Variants in ORC5 observed in about 807,000 individuals in gnomAD.
The protein encoded by ORC5 is origin recognition complex subunit 5.
Under a neutral mutation model 58.8 loss-of-function variants are expected in ORC5, and 39 were observed. That is an observed-to-expected ratio of 0.66 (90% CI 0.51 to 0.87). ORC5 has a LOEUF of 0.87. Among genes scored for constraint, ORC5 ranks in the 40% least tolerant of loss-of-function variants. ORC5 has a pLI of 0.00. For synonymous variants in ORC5, 218 were observed against 177.6 expected, an observed-to-expected ratio of 1.23 and a Z score of -1.81; for missense variants, 493 against 506.3, an observed-to-expected ratio of 0.97 and a Z score of 0.25.
At chr7:104,162,251 CA>C (rs1375343339) in intron 11 of ORC5, among the ~76,000 whole-genome samples, 6 of 152,200 alleles carry the variant, frequency 3.9e-5, no homozygotes, top group Non-Finnish European at 8.8e-5. Context: ...TGGCTCACTG[CA>C]AACTCCACCT....
chr7:104,173,800 A>C lies in ORC5; in HGVS notation c.825-5275T>G, dbSNP rs577897546. 3.3e-5 allele frequency among the ~76,000 whole-genome samples: 5 copies of C among 149,388 alleles called. No individual in the cohort carries two copies. The South Asian group carries it at 1.1e-3, about 32-fold the overall frequency. On this transcript the variant is annotated intron_variant, in intron 8 of 13. Coordinates refer to ENST00000297431, the MANE Select transcript of ORC5 (RefSeq NM_002553.4). ...ATTCACTTCTGGTTCTGCATGCCTA[A>C]TTTAGTATTTTGTTTAATCTGCATA...
chr7:104,144,977 T>A (rs945088194), intron 12 of ORC5, among the ~76,000 whole-genome samples: 6 of 152,090 alleles, frequency 3.9e-5, no homozygotes, highest in African/African-American at 1.4e-4. Flanking sequence ...TATGCATAAA[T>A]AAGGGAGAGG....
intron 2 of ORC5, among the ~76,000 whole-genome samples, chr7:104,201,730 G>A (rs566567772): frequency 3.0e-5 from 4 of 134,644 alleles, no homozygotes; most frequent in South Asian, 4.9e-4. Context: ...TTGAATAAAC[G>A]TTTACTAAGT....
rs982104069 is a variant in ORC5 at position 104,126,629 on chromosome 7, G to A, written c.*219C>T. The A allele has an allele frequency of 3.7e-5, 17 of 461,726 alleles. No homozygotes were observed. Among genetic ancestry groups the A allele is most frequent in the East Asian group, 3.5e-4 (10 of 28,682 alleles). 28.6% of individuals were successfully genotyped at this position (461,726 alleles called of 1,614,324 possible). A position where few individuals can be genotyped will look rare whatever the true frequency, so the allele number is the denominator to read the frequency against. Reference sequence around the variant, plus strand: ...AAACCCTGCTGTTTATAATTAACACGTTGCTTCCAAATACTCCAGGGTCCC... The same window carrying A: ...AAACCCTGCTGTTTATAATTAACACATTGCTTCCAAATACTCCAGGGTCCC... On this transcript the variant is annotated 3_prime_UTR_variant, in exon 14 of 14. Transcript: ENST00000297431.
intron 10 of ORC5, chr7:104,165,756 T>C (rs1799096550): frequency 6.3e-6 from 1 of 158,118 alleles, no homozygotes; most frequent in Non-Finnish European, 1.4e-5. Flanking sequence ...ACAATAGATG[T>C]GGTCCTTGCC....
At chr7:104,147,049 T>A (rs1286524085) in intron 12 of ORC5, among the ~76,000 whole-genome samples, 1 of 152,196 alleles carries the variant, frequency 6.6e-6, no homozygotes, top group African/African-American at 2.4e-5. Context: ...CTTTGAGAAA[T>A]ACCTTGTAAA....
chr7:104,169,819 T>G (rs933923621), intron 8 of ORC5, among the ~76,000 whole-genome samples: 2 of 152,222 alleles, frequency 1.3e-5, no homozygotes, highest in African/African-American at 4.8e-5. Flanking sequence ...TCCCAATTTT[T>G]AAGTTGTAAT....
At chr7:104,189,678 A>G (rs1465431309) in intron 5 of ORC5, among the ~76,000 whole-genome samples, 1 of 152,190 alleles carries the variant, frequency 6.6e-6, no homozygotes, top group Non-Finnish European at 1.5e-5. Flanking sequence ...CTGAGAGGGT[A>G]GCACACTCCA....
chr7:104,149,088 T>C (rs1243702068), intron 12 of ORC5, among the ~76,000 whole-genome samples: 1 of 150,836 alleles, frequency 6.6e-6, no homozygotes, highest in African/African-American at 2.4e-5. Context: ...ATTTCTTAAA[T>C]CCAGAAATTA....
At chr7:104,181,515 G>C (rs1411556364) in intron 8 of ORC5, among the ~76,000 whole-genome samples, 1 of 152,014 alleles carries the variant, frequency 6.6e-6, no homozygotes, top group African/African-American at 2.4e-5. Context: ...GCCGGGTGTG[G>C]TGGCTCACGC....
chr7:104,168,368 T>C (rs1269751480), intron 9 of ORC5, 105 bp downstream of exon 9: 2 of 1,499,872 alleles, frequency 1.3e-6, no homozygotes, highest in Middle Eastern at 1.8e-4. Flanking sequence ...AATTCTCTTT[T>C]ATAACACTAT....
At chr7:104,172,799 C>T (rs1277815379) in intron 8 of ORC5, among the ~76,000 whole-genome samples, 1 of 152,184 alleles carries the variant, frequency 6.6e-6, no homozygotes. Context: ...ATGTTCTTCT[C>T]ACACACTATG....
intron 12 of ORC5, among the ~76,000 whole-genome samples, chr7:104,147,240 G>T (rs986070665): frequency 5.3e-5 from 8 of 152,070 alleles, no homozygotes; most frequent in Non-Finnish European, 7.4e-5. Context: ...GTAGCTACTG[G>T]TTTCATGCTG....
Position 104,166,755 on chromosome 7 carries a change from A to G in ORC5, c.990+17T>C. ...GGATCTTAAAAAATAAAGTGAAAAGAAGTATGTTATTATTACCTTAAGAAA... is the reference window on the plus strand; with the variant it reads ...GGATCTTAAAAAATAAAGTGAAAAGGAGTATGTTATTATTACCTTAAGAAA... On this transcript the variant is annotated intron_variant, in intron 10 of 13. Coordinates refer to ENST00000297431, the MANE Select transcript of ORC5 (RefSeq NM_002553.4). The G allele has an allele frequency of 7.8e-7, 1 of 1,274,718 alleles. No homozygotes were observed. The allele number at this position is 1,274,718 out of a possible 1,614,324, so 79.0% of individuals were successfully genotyped here.
chr7:104,168,401 T>C (rs1799143353), intron 9 of ORC5, 72 bp downstream of exon 9: 2 of 1,568,482 alleles, frequency 1.3e-6, no homozygotes, highest in Non-Finnish European at 1.7e-6. Flanking sequence ...TGCTCTTTAG[T>C]ATTAACTTTA....
At chr7:104,175,646 T>C (rs1799307104) in intron 8 of ORC5, among the ~76,000 whole-genome samples, 2 of 152,046 alleles carry the variant, frequency 1.3e-5, no homozygotes, top group South Asian at 4.1e-4. Flanking sequence ...ATCAAAGAGG[T>C]CAAAATCTTG....
chr7:104,138,396 A>G lies in ORC5; in HGVS notation c.1150-1503T>C, dbSNP rs1205746748. ...ATCTATACTCCTTTGGGTATAAAAC[A>G]ATAATATGGATTTAGGTCTTTTTAA... is the stretch of plus-strand genomic sequence containing the variant. On this transcript the variant is annotated intron_variant, in intron 12 of 13. Coordinates refer to ENST00000297431, the MANE Select transcript of ORC5 (RefSeq NM_002553.4). The surrounding 1 kb of genome is among the most constrained non-coding windows in gnomAD (Gnocchi z 4.7). Among the ~76,000 whole-genome samples, 2 of 151,308 alleles carry G rather than the reference A, an allele frequency of 1.3e-5. No homozygotes were observed. The highest frequency in any genetic ancestry group is 4.9e-5 in the African/African-American group (2 of 40,594).
intron 13 of ORC5, among the ~76,000 whole-genome samples, chr7:104,132,407 T>A (rs977677425): frequency 1.3e-5 from 2 of 152,178 alleles, no homozygotes; most frequent in African/African-American, 4.8e-5. Flanking sequence ...ATTTAGGTTA[T>A]ATCCTGTGAT....
chr7:104,207,714 T>A lies in ORC5; in HGVS notation c.72+119A>T, dbSNP rs1014509582. The stretch of plus-strand genomic sequence containing the variant: ...AGTACAGAACCACAACACCCCTATT[T>A]AACGTAAAAACGGCCTTTTGGCCCT... On this transcript the variant is annotated intron_variant, in intron 1 of 13. Coordinates refer to ENST00000297431, the MANE Select transcript of ORC5 (RefSeq NM_002553.4). 4 of 832,310 alleles carry A rather than the reference T, an allele frequency of 4.8e-6. No individual in the cohort carries two copies. The African/African-American group carries it at 5.1e-5, about 11-fold the overall frequency. The allele number at this position is 832,310 out of a possible 1,614,324, so 51.6% of individuals were successfully genotyped here.
Sources: allele counts gnomAD v4.1 joint callset (sites outside exome capture counted in the v4.1 genomes callset), GRCh38; gene constraint gnomAD v4.1.1; non-coding constraint Gnocchi (gnomAD v3.1); transcripts MANE v1.5; gene names NCBI Gene and HGNC (gene_info 2026-07-23, HGNC 2026-07-21).